Variants in FOXN3 observed in about 807,000 individuals in gnomAD.
The protein encoded by FOXN3 is forkhead box N3, also known as forkhead box protein N3.
FOXN3 carries 7 observed loss-of-function variants against 38.4 expected under a neutral mutation model. The ratio of observed to expected loss-of-function variants is 0.18; its 90% CI spans 0.10 to 0.34. FOXN3 has a LOEUF of 0.34. Ranked by LOEUF, FOXN3 falls within the 10% of genes least tolerant of loss-of-function variation. The pLI is 1.00. For missense variants in FOXN3, 456 were observed against 613.4 expected (o/e 0.74, Z 2.71); for synonymous variants, 230 against 242.2 (o/e 0.95, Z 0.47).
chr14:89,524,400 AAAAG>A (rs747350987), intron 1 of FOXN3, among the ~76,000 whole-genome samples: 12,612 of 52,994 alleles, frequency 0.24, 2,555 homozygotes, highest in Middle Eastern at 0.39. Flanking sequence ...AAAAAAAAAA[AAAAG>A]AAAGAAAGAA....
chr14:89,408,800 G>A (rs935152910), intron 2 of FOXN3, among the ~76,000 whole-genome samples: 1 of 152,044 alleles, frequency 6.6e-6, no homozygotes, highest in Non-Finnish European at 1.5e-5. Flanking sequence ...TTCAATTTAA[G>A]GTATTTCTCA....
intron 4 of FOXN3, among the ~76,000 whole-genome samples, chr14:89,196,128 T>C (rs1287440731): frequency 6.6e-6 from 1 of 152,226 alleles, no homozygotes; most frequent in Non-Finnish European, 1.5e-5. Flanking sequence ...TTCTCTGTAG[T>C]ACGAGACTGG....
intron 1 of FOXN3, among the ~76,000 whole-genome samples, chr14:89,439,277 G>C (rs1037255929): frequency 6.6e-6 from 1 of 152,174 alleles, no homozygotes; most frequent in African/African-American, 2.4e-5. Context: ...TGGGTAAAAT[G>C]AGGCTGAGAC....
intron 2 of FOXN3, among the ~76,000 whole-genome samples, chr14:89,383,029 G>GTTTTTTTTTTTTTTTTTTTTT (rs57032907): frequency 2.2e-5 from 2 of 92,514 alleles, no homozygotes; most frequent in African/African-American, 4.1e-5. Flanking sequence ...TTTGGGTGGT[G>GTTTTTTTTTTTTTTTTTTTTT]TTTTTTTTTT....
At chr14:89,439,801 GCC>G (rs1892341451) in intron 1 of FOXN3, among the ~76,000 whole-genome samples, 2 of 150,068 alleles carry the variant, frequency 1.3e-5, no homozygotes, top group African/African-American at 4.9e-5. Context: ...GATTACAGGC[GCC>G]CGCCACCACG....
chr14:89,522,880 T>C (rs996646081), intron 1 of FOXN3, among the ~76,000 whole-genome samples: 1 of 151,802 alleles, frequency 6.6e-6, no homozygotes, highest in Non-Finnish European at 1.5e-5. Flanking sequence ...TCACGTTATA[T>C]ATAAATGGTC....
chr14:89,321,026 G>A (rs1887880387), intron 3 of FOXN3, among the ~76,000 whole-genome samples: 1 of 152,106 alleles, frequency 6.6e-6, no homozygotes, highest in Non-Finnish European at 1.5e-5. Context: ...GGTGGCTCAA[G>A]CCTGTAATCC....
At chr14:89,244,951 A>G (rs1164442887) in intron 4 of FOXN3, among the ~76,000 whole-genome samples, 1 of 152,198 alleles carries the variant, frequency 6.6e-6, no homozygotes, top group African/African-American at 2.4e-5. Context: ...AGCACAATGA[A>G]TGAAGAAGAA....
chr14:89,297,834 AAG>A (rs144607711), intron 3 of FOXN3, among the ~76,000 whole-genome samples: 239 of 152,110 alleles, frequency 1.6e-3, no homozygotes, highest in Non-Finnish European at 2.4e-3. Context: ...ATTTTTTTTT[AAG>A]TCACCGGGTG....
In FOXN3 at chr14:89,252,947, G is replaced by T. The variant is rs577436690; in HGVS notation, c.745+28003C>A. 4.3e-4 allele frequency among the ~76,000 whole-genome samples: 66 copies of T among 152,298 alleles called. 1 individual carries two copies. Among genetic ancestry groups the T allele is most frequent in the South Asian group, 4.1e-3 (20 of 4,826 alleles). ...TAGATTCAGGACTGCAGGAACCAAA[G>T]TGGGAAGCGCAGTCACTTTAGAGAA... On this transcript the variant is annotated intron_variant, in intron 4 of 5. Coordinates refer to ENST00000557258, the MANE Select transcript of FOXN3 (RefSeq NM_005197.4).
At chr14:89,306,647 G>A (rs758576940) in intron 3 of FOXN3, among the ~76,000 whole-genome samples, 6 of 152,164 alleles carry the variant, frequency 3.9e-5, no homozygotes, top group Non-Finnish European at 5.9e-5. Context: ...GATTACAGGC[G>A]TGAGCCACCG....
At chr14:89,517,294 C>T (rs904073946) in intron 1 of FOXN3, among the ~76,000 whole-genome samples, 2 of 135,768 alleles carry the variant, frequency 1.5e-5, no homozygotes, top group Admixed American at 7.9e-5. Flanking sequence ...ACCTGGGAGG[C>T]GGAGGTTGCA....
intron 4 of FOXN3, among the ~76,000 whole-genome samples, chr14:89,196,399 G>A (rs1596095412): frequency 6.6e-6 from 1 of 152,144 alleles, no homozygotes; most frequent in African/African-American, 2.4e-5. Flanking sequence ...TTTAAGTCCT[G>A]GGTCTGCTGA....
At chr14:89,581,639 C>G (rs1177848187) in intron 1 of FOXN3, among the ~76,000 whole-genome samples, 1 of 152,130 alleles carries the variant, frequency 6.6e-6, no homozygotes, top group Non-Finnish European at 1.5e-5. Flanking sequence ...ACTGTGGCTC[C>G]CAGGGCCATG....
intron 1 of FOXN3, among the ~76,000 whole-genome samples, chr14:89,611,241 C>T (rs966374979): frequency 1.3e-4 from 20 of 152,210 alleles, no homozygotes; most frequent in Non-Finnish European, 2.6e-4. Context: ...TCTTGCTGAT[C>T]TGCTGACTTA....
chr14:89,322,214 C>A (rs569919228), intron 3 of FOXN3, among the ~76,000 whole-genome samples: 12 of 152,262 alleles, frequency 7.9e-5, no homozygotes, highest in African/African-American at 2.9e-4. Context: ...AGCATTTTCC[C>A]TTTAAATCTC....
intron 1 of FOXN3, among the ~76,000 whole-genome samples, chr14:89,525,378 C>T (rs562289062): frequency 1.3e-5 from 2 of 152,276 alleles, no homozygotes; most frequent in Admixed American, 6.5e-5. Flanking sequence ...GACACTCCCA[C>T]CAGCACTATG....
chr14:89,301,301 T>C lies in FOXN3; in HGVS notation c.681-20287A>G, dbSNP rs529106235. ...GCTTGGGTAACATAGGGAGATCCCA[T>C]CTCTACAAAAGAAAAAAAAAAAAAA... On this transcript the variant is annotated intron_variant, in intron 3 of 5. Coordinates refer to ENST00000557258, the MANE Select transcript of FOXN3 (RefSeq NM_005197.4). Among the ~76,000 whole-genome samples the C allele has an allele frequency of 3.4e-4, 37 of 108,710 alleles. 1 individual carries two copies. The highest frequency in any genetic ancestry group is 1.3e-3 in the African/African-American group (37 of 27,744). 71.3% of individuals were successfully genotyped at this position (108,710 alleles called of 152,430 possible). A position where few individuals can be genotyped will look rare whatever the true frequency, so the allele number is the denominator to read the frequency against.
chr14:89,334,588 T>C (rs11629381), intron 3 of FOXN3, among the ~76,000 whole-genome samples: 26,862 of 149,812 alleles, frequency 0.18, 2,792 homozygotes, highest in South Asian at 0.3. Flanking sequence ...CCAGCCTGGG[T>C]GAGAGAACAA....
Sources: gnomAD v4.1 joint callset for allele counts (sites outside exome capture counted in the v4.1 genomes callset) on GRCh38, gnomAD v4.1.1 for gene constraint, MANE v1.5 for transcripts, NCBI Gene and HGNC (gene_info 2026-07-23, HGNC 2026-07-21) for gene names.